NR6A1: variants seen among roughly 807,000 people sequenced by gnomAD.
NR6A1 encodes retinoic acid receptor-related testis-associated receptor.
Under a neutral mutation model 59.1 loss-of-function variants are expected in NR6A1, and 7 were observed. That is an observed-to-expected ratio of 0.12 (90% CI 0.07 to 0.22). NR6A1 has a LOEUF of 0.22. Ranked by LOEUF, NR6A1 falls within the 10% of genes least tolerant of loss-of-function variation. NR6A1 has a pLI of 1.00. For synonymous variants in NR6A1, 243 were observed against 236.1 expected, an observed-to-expected ratio of 1.03 and a Z score of -0.27; for missense variants, 468 against 611.6, an observed-to-expected ratio of 0.77 and a Z score of 2.48.
chr9:124,686,530 G>A (rs894300945), intron 2 of NR6A1, among the ~76,000 whole-genome samples: 2 of 151,918 alleles, frequency 1.3e-5, no homozygotes, highest in African/African-American at 2.4e-5. Context: ...AACAATAATC[G>A]CTGGTAGAGT....
chr9:124,575,840 T>C (rs1249567139), intron 2 of NR6A1, among the ~76,000 whole-genome samples: 13 of 152,334 alleles, frequency 8.5e-5, no homozygotes, highest in East Asian at 1.9e-4. Context: ...TTATTATTAT[T>C]GATATCATAT....
chr9:124,650,917 A>G lies in NR6A1; in HGVS notation c.142+82391T>C, dbSNP rs200759548. The stretch of plus-strand genomic sequence containing the variant: ...GTCTGTCCTAAGGGGTATAATCACC[A>G]CCACCACTCTCCAAACCCTGGCAAT... On this transcript the variant is annotated intron_variant, in intron 2 of 9. Transcript: ENST00000487099. Among the ~76,000 whole-genome samples the G allele has an allele frequency of 5.8e-3, 888 of 152,298 alleles. 7 individuals carry two copies. Among genetic ancestry groups the G allele is most frequent in the South Asian group, 8.7e-3 (42 of 4,826 alleles).
chr9:124,701,391 ATTG>A (rs148800981), intron 2 of NR6A1, among the ~76,000 whole-genome samples: 87 of 152,294 alleles, frequency 5.7e-4, no homozygotes, highest in Non-Finnish European at 1.0e-3. Flanking sequence ...TTTAATTTTT[ATTG>A]TAGTAAAATA....
intron 8 of NR6A1, 73 bp from the exon 9 acceptor site, chr9:124,524,946 G>A: frequency 6.8e-7 from 1 of 1,477,204 alleles, no homozygotes; most frequent in Non-Finnish European, 9.1e-7. Flanking sequence ...AGAAACACCA[G>A]CTCCTTAAAT....
chr9:124,756,702 C>T (rs1172171858), intron 1 of NR6A1, among the ~76,000 whole-genome samples: 1 of 152,192 alleles, frequency 6.6e-6, no homozygotes, highest in African/African-American at 2.4e-5. Context: ...TTTAAATTCT[C>T]TCTGCATGTA....
At chr9:124,680,468 A>G (rs959200302) in intron 2 of NR6A1, among the ~76,000 whole-genome samples, 9 of 152,238 alleles carry the variant, frequency 5.9e-5, no homozygotes, top group African/African-American at 2.2e-4. Flanking sequence ...TGTTTACAGT[A>G]TGAACACACA....
At chr9:124,693,220 A>G (rs774075516) in intron 2 of NR6A1, among the ~76,000 whole-genome samples, 2 of 152,192 alleles carry the variant, frequency 1.3e-5, no homozygotes, top group South Asian at 4.1e-4. Context: ...GTTTTCTCAC[A>G]TATAAAACAG....
intron 2 of NR6A1, among the ~76,000 whole-genome samples, chr9:124,560,111 A>G (rs1834041245): frequency 6.6e-6 from 1 of 152,220 alleles, no homozygotes; most frequent in Non-Finnish European, 1.5e-5. Flanking sequence ...AGATCTTCCA[A>G]TTCTACGACT....
rs201716087 is a variant in NR6A1, at chr9:124,526,743, A to G, written c.1201+36T>C. ...CAAATGCTCACTGCCTGCCTCCCGC[A>G]CTGCAAACGTCCCTTTTCCCACCCC... is the stretch of plus-strand genomic sequence containing the variant. On this transcript the variant is annotated intron_variant, in intron 8 of 9. Coordinates refer to ENST00000487099, the MANE Select transcript of NR6A1 (RefSeq NM_033334.4). 3 of 1,609,986 alleles carry G rather than the reference A, an allele frequency of 1.9e-6. No homozygotes were observed. The African/African-American group carries it at 4.0e-5, about 21-fold the overall frequency.
intron 2 of NR6A1, among the ~76,000 whole-genome samples, chr9:124,588,554 C>T (rs541054919): frequency 4.0e-5 from 6 of 150,204 alleles, no homozygotes; most frequent in African/African-American, 7.3e-5. Context: ...GTGATCCACC[C>T]GCTTCGGCCT....
intron 2 of NR6A1, among the ~76,000 whole-genome samples, chr9:124,728,393 T>G (rs1588834047): frequency 6.6e-6 from 1 of 151,920 alleles, no homozygotes; most frequent in Admixed American, 6.5e-5. Flanking sequence ...CCAAGCACTT[T>G]GGGAGGCTGA....
At chr9:124,672,614 CAA>C (rs796418042) in intron 2 of NR6A1, among the ~76,000 whole-genome samples, 1 of 138,364 alleles carries the variant, frequency 7.2e-6, no homozygotes. Flanking sequence ...GACTCCGTTT[CAA>C]AAAAAAAAAA....
intron 8 of NR6A1, among the ~76,000 whole-genome samples, chr9:124,525,639 G>A (rs1017027545): frequency 4.0e-5 from 6 of 151,618 alleles, no homozygotes; most frequent in Non-Finnish European, 8.8e-5. Flanking sequence ...TTACAGGCAT[G>A]AGCCACTGTG....
intron 3 of NR6A1, among the ~76,000 whole-genome samples, chr9:124,549,231 G>A (rs1833695857): frequency 7.8e-6 from 1 of 128,476 alleles, no homozygotes; most frequent in African/African-American, 5.4e-5. Context: ...AAGAAGGGGT[G>A]GATGTTTAAA....
intron 7 of NR6A1, among the ~76,000 whole-genome samples, chr9:124,533,655 C>CT (rs777380904): frequency 0.044 from 6,434 of 146,480 alleles, 180 homozygotes; most frequent in East Asian, 0.15. Context: ...ATAGGGGCAC[C>CT]TTTTTTTTTT....
Position 124,756,272 on chromosome 9 carries a change from T to C in NR6A1, c.100+14748A>G, listed in dbSNP as rs114719970. Among the ~76,000 whole-genome samples the C allele has an allele frequency of 4.2e-3, 637 of 152,322 alleles. 3 individuals carry two copies. The highest frequency in any genetic ancestry group is 0.014 in the African/African-American group (582 of 41,572). ...ACTAACCAGGAATTGAGGAGGTTTG[T>C]ACCCGCTATAGTTGAGAGAAAGAGC... On this transcript the variant is annotated intron_variant, in intron 1 of 9. Coordinates refer to ENST00000487099, the MANE Select transcript of NR6A1 (RefSeq NM_033334.4).
At chr9:124,568,576 T>C (rs1834344727) in intron 2 of NR6A1, among the ~76,000 whole-genome samples, 1 of 151,852 alleles carries the variant, frequency 6.6e-6, no homozygotes, top group Non-Finnish European at 1.5e-5. Flanking sequence ...AATAAAAACT[T>C]GCATGAAAAG....
intron 1 of NR6A1, among the ~76,000 whole-genome samples, chr9:124,741,686 C>G (rs1840177047): frequency 6.6e-6 from 1 of 152,182 alleles, no homozygotes. Context: ...AAAATTAACA[C>G]TATGGGACAG....
chr9:124,652,602 G>C (rs1837138006), intron 2 of NR6A1, among the ~76,000 whole-genome samples: 1 of 152,094 alleles, frequency 6.6e-6, no homozygotes, highest in African/African-American at 2.4e-5. Flanking sequence ...AGAAGAAAAA[G>C]GGACATCATT....
Sources: allele counts gnomAD v4.1 joint callset (sites outside exome capture counted in the v4.1 genomes callset), GRCh38; gene constraint gnomAD v4.1.1; transcripts MANE v1.5; gene names NCBI Gene and HGNC (gene_info 2026-07-23, HGNC 2026-07-21).